Variants in ZNF705G observed in about 807,000 individuals in gnomAD.
The protein encoded by ZNF705G is zinc finger protein 705G.
Under a neutral mutation model 19.6 loss-of-function variants are expected in ZNF705G, and 23 were observed. The observed-to-expected ratio is 1.17, with a 90% CI of 0.84 to 1.66. The LOEUF (loss-of-function observed/expected upper bound fraction) is 1.66, where lower values mean the gene tolerates loss of function less well. ZNF705G is among the 40% of genes most tolerant of loss of function. ZNF705G has a pLI of 0.00. For synonymous variants in ZNF705G, 146 were observed against 117.7 expected (o/e 1.24, Z -1.56); for missense variants, 457 against 354.4 (o/e 1.29, Z -2.32).
chr8:7,359,531 A>G (rs1806470814), intron 6 of ZNF705G, 88 bp downstream of exon 6: 9 of 1,579,132 alleles, frequency 5.7e-6, no homozygotes, highest in Non-Finnish European at 7.7e-6. Flanking sequence ...CAGCTTAATT[A>G]CACTCAGGTG....
chr8:7,366,300 A>G (rs1295915063), intron 2 of ZNF705G, among the ~76,000 whole-genome samples: 1 of 149,468 alleles, frequency 6.7e-6, no homozygotes, highest in Non-Finnish European at 1.5e-5. Flanking sequence ...GTGGAATGGA[A>G]TTTAAAATTA....
rs1181834236 is a variant in ZNF705G at position 7,375,627 on chromosome 8, G to A, written c.-72+5825C>T. Among the ~76,000 whole-genome samples, 6 of 94,062 alleles carry A rather than the reference G, an allele frequency of 6.4e-5. 1 individual carries two copies. The highest frequency in any genetic ancestry group is 1.5e-4 in the African/African-American group (3 of 20,364). The allele number at this position is 94,062 out of a possible 152,430, so 61.7% of individuals were successfully genotyped here. A position where few individuals can be genotyped will look rare whatever the true frequency, so the allele number is the denominator to read the frequency against. On this transcript the variant is annotated intron_variant, in intron 2 of 6. Transcript: ENST00000400156. ...AAAATATAATGCTCAATAGAATCAGGTATAGTAAAATAGTACACATGATTC... is the reference window on the plus strand; with the variant it reads ...AAAATATAATGCTCAATAGAATCAGATATAGTAAAATAGTACACATGATTC...
At position 7,366,925 on chromosome 8, in the gene ZNF705G, C is replaced by T. The variant is rs1055933931; in HGVS notation, c.-71-3908G>A. Reference sequence around the variant, plus strand: ...AGTTACAGAATTTCTAGATTGGCCACGACTTTGGCTATTACTACTAAGGAT... The same window carrying T: ...AGTTACAGAATTTCTAGATTGGCCATGACTTTGGCTATTACTACTAAGGAT... On this transcript the variant is annotated intron_variant, in intron 2 of 6. Coordinates refer to ENST00000400156, the MANE Select transcript of ZNF705G (RefSeq NM_001164457.3). 2.7e-5 allele frequency among the ~76,000 whole-genome samples: 4 copies of T among 149,592 alleles called. 1 individual carries two copies. The highest frequency in any genetic ancestry group is 1.3e-4 in the Admixed American group (2 of 15,228).
intron 3 of ZNF705G, among the ~76,000 whole-genome samples, chr8:7,362,726 C>T (rs1806660762): frequency 6.7e-6 from 1 of 149,314 alleles, no homozygotes; most frequent in Non-Finnish European, 1.5e-5. Flanking sequence ...CGATACCCAA[C>T]CTAGAGTCCT....
intron 1 of ZNF705G, among the ~76,000 whole-genome samples, chr8:7,382,523 T>C (rs1190516222): frequency 6.8e-6 from 1 of 146,570 alleles, no homozygotes; most frequent in Non-Finnish European, 1.5e-5. Flanking sequence ...TTTGGAAATA[T>C]AAAGAAAACC....
rs557805722 is a variant in ZNF705G at position 7,368,170 on chromosome 8, A to G, written c.-71-5153T>C. On this transcript the variant is annotated intron_variant, in intron 2 of 6. Coordinates refer to ENST00000400156, the MANE Select transcript of ZNF705G (RefSeq NM_001164457.3). ...CCTGATTGCACAGACACTGAATCTA[A>G]TCAAAAACTTCATTCTGGAGACACT... is the stretch of plus-strand genomic sequence containing the variant. 5.3e-5 allele frequency among the ~76,000 whole-genome samples: 8 copies of G among 149,732 alleles called. 1 individual carries two copies. The highest frequency in any genetic ancestry group is 4.2e-4 in the South Asian group (2 of 4,774).
intron 2 of ZNF705G, among the ~76,000 whole-genome samples, chr8:7,371,245 A>G (rs2698852): frequency 0.016 from 1,223 of 77,590 alleles, 13 homozygotes; most frequent in Admixed American, 0.028. Context: ...TTTCACTTGT[A>G]TTTGAAATCT....
In ZNF705G at chr8:7,364,189, T is replaced by C. The variant is rs1414451305; in HGVS notation, c.-71-1172A>G. On this transcript the variant is annotated intron_variant, in intron 2 of 6. Coordinates refer to ENST00000400156, the MANE Select transcript of ZNF705G (RefSeq NM_001164457.3). The stretch of plus-strand genomic sequence containing the variant: ...CCATGTATACATTCGTACATAGATA[T>C]GTAGATATATAGGTGCATATGTTTA... 2.7e-5 allele frequency among the ~76,000 whole-genome samples: 4 copies of C among 149,682 alleles called. 1 individual carries two copies. Among genetic ancestry groups the C allele is most frequent in the African/African-American group, 1.0e-4 (4 of 39,068 alleles).
intron 2 of ZNF705G, among the ~76,000 whole-genome samples, chr8:7,367,244 G>A (rs1279859439): frequency 6.7e-6 from 1 of 149,384 alleles, no homozygotes; most frequent in Non-Finnish European, 1.5e-5. Context: ...CAGGGCAGGA[G>A]AGGGCTCTTC....
At chr8:7,359,042 C>G (rs190924657) in intron 6 of ZNF705G, among the ~76,000 whole-genome samples, 25 of 149,570 alleles carry the variant, frequency 1.7e-4, no homozygotes, top group South Asian at 4.2e-4. Flanking sequence ...TTTATGTCAT[C>G]TTATGTAAAA....
At chr8:7,375,069 G>A (rs1400504038) in intron 2 of ZNF705G, among the ~76,000 whole-genome samples, 1 of 94,096 alleles carries the variant, frequency 1.1e-5, no homozygotes, top group Non-Finnish European at 2.1e-5. Context: ...GGGAGTGCAT[G>A]TGCAGATTTG....
intron 1 of ZNF705G, among the ~76,000 whole-genome samples, chr8:7,383,304 C>A (rs1281445538): frequency 1.4e-5 from 2 of 147,282 alleles, no homozygotes; most frequent in African/African-American, 2.7e-5. Context: ...AAAGTATACA[C>A]GGTAAAACAC....
intron 2 of ZNF705G, among the ~76,000 whole-genome samples, chr8:7,365,311 G>C (rs1306849367): frequency 6.8e-6 from 1 of 147,996 alleles, no homozygotes. Context: ...AACAACTTAT[G>C]TATTTGGTGA....
At chr8:7,368,842 C>A (rs1354141997) in intron 2 of ZNF705G, among the ~76,000 whole-genome samples, 1 of 149,526 alleles carries the variant, frequency 6.7e-6, no homozygotes. Context: ...ATTGTTTGGG[C>A]CACCGCTTTA....
chr8:7,369,338 G>A (rs1806995798), intron 2 of ZNF705G, among the ~76,000 whole-genome samples: 1 of 149,522 alleles, frequency 6.7e-6, no homozygotes, highest in Non-Finnish European at 1.5e-5. Context: ...AGACTTCATG[G>A]CAAATGTCTA....
At chr8:7,378,804 A>G (rs71511230) in intron 2 of ZNF705G, among the ~76,000 whole-genome samples, 6,336 of 145,384 alleles carry the variant, frequency 0.044, 120 homozygotes, top group Non-Finnish European at 0.064. Flanking sequence ...ATAATCTAAG[A>G]TAATCTCCCT....
At chr8:7,367,569 C>T (rs1806914432) in intron 2 of ZNF705G, among the ~76,000 whole-genome samples, 1 of 149,528 alleles carries the variant, frequency 6.7e-6, no homozygotes, top group Non-Finnish European at 1.5e-5. Flanking sequence ...AAGCACTGTG[C>T]ATGCCGGAAA....
At position 7,374,711 on chromosome 8, in the gene ZNF705G, C is replaced by G. The variant is rs573426445; in HGVS notation, c.-72+6741G>C. ...CAGAATGAGGCTCAGAATACCAAGC[C>G]TTAGTGCTGTCCCTATCATCTGCTT... On this transcript the variant is annotated intron_variant, in intron 2 of 6. Coordinates refer to ENST00000400156, the MANE Select transcript of ZNF705G (RefSeq NM_001164457.3). Among the ~76,000 whole-genome samples, 340 of 89,654 alleles carry G rather than the reference C, an allele frequency of 3.8e-3. 117 individuals are homozygous for G. Among genetic ancestry groups the G allele is most frequent in the African/African-American group, 0.017 (318 of 18,752 alleles). The allele number at this position is 89,654 out of a possible 152,430, so 58.8% of individuals were successfully genotyped here.
chr8:7,361,009 G>C (rs1191317049), intron 4 of ZNF705G, 101 bp downstream of exon 4: 7 of 1,579,206 alleles, frequency 4.4e-6, no homozygotes, highest in Non-Finnish European at 6.0e-6. Flanking sequence ...GAGAGAATCA[G>C]AGAAGAGATT....
Sources: allele counts gnomAD v4.1 joint callset (sites outside exome capture counted in the v4.1 genomes callset), GRCh38; gene constraint gnomAD v4.1.1; transcripts MANE v1.5; gene names NCBI Gene and HGNC (gene_info 2026-07-23, HGNC 2026-07-21).